Variants in SYNDIG1 observed in about 807,000 individuals in gnomAD.
SYNDIG1 encodes the protein synapse differentiation-inducing gene protein 1.
Under a neutral mutation model 19.4 loss-of-function variants are expected in SYNDIG1, and 9 were observed. The observed-to-expected ratio is 0.46, with a 90% CI of 0.28 to 0.81. The LOEUF (loss-of-function observed/expected upper bound fraction) is 0.81, where lower values mean the gene tolerates loss of function less well. SYNDIG1 is among the 30% of genes least tolerant of loss of function. SYNDIG1 has a pLI of 0.12. For missense variants in SYNDIG1, 311 were observed against 343.3 expected, an observed-to-expected ratio of 0.91 and a Z score of 0.74; for synonymous variants, 141 against 145.9, an observed-to-expected ratio of 0.97 and a Z score of 0.24.
intron 3 of SYNDIG1, among the ~76,000 whole-genome samples, chr20:24,630,508 G>A (rs1362278983): frequency 1.3e-5 from 2 of 152,202 alleles, no homozygotes; most frequent in Admixed American, 6.5e-5. Context: ...CCCCAAACTG[G>A]AAACAACCCA....
At chr20:24,512,426 A>C (rs1430005686) in intron 1 of SYNDIG1, among the ~76,000 whole-genome samples, 1 of 151,834 alleles carries the variant, frequency 6.6e-6, no homozygotes, top group East Asian at 2.0e-4. Flanking sequence ...CTGGAAAATC[A>C]GGTCCCTCCC....
chr20:24,662,753 G>T (rs2059615294), intron 3 of SYNDIG1, among the ~76,000 whole-genome samples: 2 of 152,236 alleles, frequency 1.3e-5, no homozygotes, highest in Admixed American at 1.3e-4. Context: ...CCAATGAAAG[G>T]CCAATAAAGT....
chr20:24,559,337 G>A (rs2057890273), intron 2 of SYNDIG1, among the ~76,000 whole-genome samples: 1 of 152,086 alleles, frequency 6.6e-6, no homozygotes, highest in Admixed American at 6.6e-5. Context: ...ATTGGTTAAT[G>A]GGGTACAAGG....
chr20:24,500,941 G>A (rs1198346266), intron 1 of SYNDIG1, among the ~76,000 whole-genome samples: 1 of 152,198 alleles, frequency 6.6e-6, no homozygotes, highest in African/African-American at 2.4e-5. Flanking sequence ...TTTCTAACTA[G>A]TGAAGAAATA....
intron 2 of SYNDIG1, among the ~76,000 whole-genome samples, chr20:24,549,312 T>C (rs1177269633): frequency 1.3e-5 from 2 of 152,160 alleles, no homozygotes; most frequent in Non-Finnish European, 2.9e-5. Context: ...GAACATGCAA[T>C]GCTTAACTTT....
At chr20:24,588,828 A>G (rs2058460499) in intron 3 of SYNDIG1, among the ~76,000 whole-genome samples, 1 of 152,162 alleles carries the variant, frequency 6.6e-6, no homozygotes, top group Non-Finnish European at 1.5e-5. Flanking sequence ...GGGTGCTGAA[A>G]TCAGGGTTCA....
intron 3 of SYNDIG1, among the ~76,000 whole-genome samples, chr20:24,643,863 TC>T (rs2059401262): frequency 6.6e-6 from 1 of 152,240 alleles, no homozygotes; most frequent in African/African-American, 2.4e-5. Context: ...ATATGTGATT[TC>T]CAACCACTTA....
intron 3 of SYNDIG1, among the ~76,000 whole-genome samples, chr20:24,628,181 A>G (rs2059186498): frequency 6.6e-6 from 1 of 152,196 alleles, no homozygotes; most frequent in African/African-American, 2.4e-5. Flanking sequence ...GGAAGAAAAG[A>G]AAAGAATTAG....
chr20:24,517,637 TATATATATACACATATATATATACACAC>T (rs2056906629), intron 1 of SYNDIG1, among the ~76,000 whole-genome samples: 1 of 144,162 alleles, frequency 6.9e-6, no homozygotes, highest in Non-Finnish European at 1.5e-5. Flanking sequence ...AAAGTATATA[TATATATATACACATATATATATACACAC>T]ATATATATGT....
At chr20:24,484,962 T>G (rs1011693855) in intron 1 of SYNDIG1, among the ~76,000 whole-genome samples, 1 of 152,168 alleles carries the variant, frequency 6.6e-6, no homozygotes, top group Non-Finnish European at 1.5e-5. Context: ...AGTAGTGAGT[T>G]CTTTCTTCCT....
chr20:24,639,246 G>A (rs1292901802), intron 3 of SYNDIG1, among the ~76,000 whole-genome samples: 1 of 152,190 alleles, frequency 6.6e-6, no homozygotes, highest in Non-Finnish European at 1.5e-5. Flanking sequence ...TGGCGAACAA[G>A]GAAAGCACAT....
chr20:24,642,838 G>A lies in SYNDIG1; in HGVS notation c.619-22508G>A, dbSNP rs150654006. On this transcript the variant is annotated intron_variant, in intron 3 of 3. Transcript: ENST00000376862. ...GTTCTTTCATTAGAGAATAGGGTTC[G>A]AAACCAAGATCTGGGCACTGGGTGT... Among the ~76,000 whole-genome samples the A allele has an allele frequency of 7.9e-3, 1,197 of 152,114 alleles. 42 individuals are homozygous for A. The highest frequency in any genetic ancestry group is 0.063 in the Admixed American group (956 of 15,278).
chr20:24,479,831 G>T, intron 1 of SYNDIG1, among the ~76,000 whole-genome samples: 1 of 152,170 alleles, frequency 6.6e-6, no homozygotes, highest in East Asian at 1.9e-4. Context: ...GCACTGGACA[G>T]GCTGCTTGGG....
Position 24,493,787 on chromosome 20 carries a change from G to A in SYNDIG1, c.-79+24034G>A, listed in dbSNP as rs972403291. 3.3e-5 allele frequency among the ~76,000 whole-genome samples: 5 copies of A among 152,188 alleles called. No individual in the cohort carries two copies. In the South Asian group the frequency reaches 1.0e-3, roughly 32 times the overall value. ...TTACCCCCACCCTCAGGGGACCATT[G>A]GGCAGCCGCAAGCTCAGAGGGGAGG... On this transcript the variant is annotated intron_variant, in intron 1 of 3. Coordinates refer to ENST00000376862, the MANE Select transcript of SYNDIG1 (RefSeq NM_024893.3).
chr20:24,556,012 A>G (rs1282365756), intron 2 of SYNDIG1, among the ~76,000 whole-genome samples: 1 of 152,208 alleles, frequency 6.6e-6, no homozygotes, highest in Non-Finnish European at 1.5e-5. Flanking sequence ...ATATATATTT[A>G]GGATAGTTAG....
intron 1 of SYNDIG1, among the ~76,000 whole-genome samples, chr20:24,518,934 C>A (rs1448580413): frequency 1.3e-5 from 2 of 152,238 alleles, no homozygotes; most frequent in African/African-American, 4.8e-5. Context: ...CCAGCAGGGT[C>A]TCTGGAGTGA....
rs1013336485 is a variant in SYNDIG1 at position 24,556,949 on chromosome 20, G to A, written c.480+13372G>A. The stretch of plus-strand genomic sequence containing the variant: ...CCGTCACTTTCAGGTACACCAATCC[G>A]ATGTAGATTTGGTCTTTTCACATAG... On this transcript the variant is annotated intron_variant, in intron 2 of 3. Transcript: ENST00000376862. 3.3e-5 allele frequency among the ~76,000 whole-genome samples: 5 copies of A among 152,164 alleles called. No homozygotes were observed. The East Asian group carries it at 7.7e-4, about 23-fold the overall frequency.
At position 24,665,599 on chromosome 20, in the gene SYNDIG1, T is replaced by C; in HGVS notation, c.*95T>C. 1 of 1,495,764 alleles carries C rather than the reference T, an allele frequency of 6.7e-7. No individual in the cohort carries two copies. The highest frequency in any genetic ancestry group is 1.3e-5 in the South Asian group (1 of 78,316). The allele number at this position is 1,495,764 out of a possible 1,614,324, so 92.7% of individuals were successfully genotyped here. On this transcript the variant is annotated 3_prime_UTR_variant, in exon 4 of 4. Coordinates refer to ENST00000376862, the MANE Select transcript of SYNDIG1 (RefSeq NM_024893.3). ...CATGATGCTGTACAGTACAAATGAT[T>C]GCCAAATGATGCCACGAAGCCCTGG...
intron 2 of SYNDIG1, among the ~76,000 whole-genome samples, chr20:24,564,881 T>C (rs1253384399): frequency 6.6e-6 from 1 of 152,170 alleles, no homozygotes; most frequent in Admixed American, 6.5e-5. Flanking sequence ...GGCTGAAGAT[T>C]CCAGAAGAAA....
Sources: allele counts gnomAD v4.1 joint callset (sites outside exome capture counted in the v4.1 genomes callset), GRCh38; gene constraint gnomAD v4.1.1; transcripts MANE v1.5; gene names NCBI Gene and HGNC (gene_info 2026-07-23, HGNC 2026-07-21).